The following DRG1 variants were observed in gnomAD, a reference collection of about 807,000 sequenced individuals.
The protein encoded by DRG1 is developmentally-regulated GTP-binding protein 1.
DRG1 carries 19 observed loss-of-function variants against 38.8 expected under a neutral mutation model. The observed-to-expected ratio is 0.49, with a 90% confidence interval of 0.34 to 0.72. The LOEUF (loss-of-function observed/expected upper bound fraction) is 0.72, where lower values mean the gene tolerates loss of function less well. Among genes scored for constraint, DRG1 ranks in the 30% least tolerant of loss-of-function variants. The pLI, the probability that DRG1 is intolerant of heterozygous loss-of-function variation, is 0.01. For synonymous variants in DRG1, 167 were observed against 157.5 expected (o/e 1.06, Z -0.45); for missense variants, 299 against 444.8 (o/e 0.67, Z 2.95).
At chr22:31,421,637 T>C (rs2050077689) in intron 5 of DRG1, among the ~76,000 whole-genome samples, 2 of 151,722 alleles carry the variant, frequency 1.3e-5, no homozygotes, top group South Asian at 4.2e-4. Context: ...TTTGGGAGGT[T>C]GAGGCAGGAG....
Position 31,425,057 on chromosome 22 carries a change from A to T in DRG1, c.714-1558A>T, listed in dbSNP as rs1379834946. On this transcript the variant is annotated intron_variant, in intron 6 of 8. Transcript: ENST00000331457. ...GCAGTCTGCCTGCCTCTGCCTCCCA[A>T]AGTGCTGGGATTACAGGCGTCAGTC... Among the ~76,000 whole-genome samples the T allele has an allele frequency of 4.0e-5, 6 of 151,826 alleles. No individual in the cohort carries two copies. In the East Asian group the frequency reaches 9.7e-4, roughly 24 times the overall value.
intron 5 of DRG1, among the ~76,000 whole-genome samples, chr22:31,422,117 A>G (rs868042479): frequency 6.7e-6 from 1 of 149,588 alleles, no homozygotes; most frequent in East Asian, 2.0e-4. Flanking sequence ...CTCAAAAAAA[A>G]AAAGAAAGAA....
chr22:31,428,513 CAA>C (rs1365161329), intron 8 of DRG1, among the ~76,000 whole-genome samples: 1 of 152,184 alleles, frequency 6.6e-6, no homozygotes, highest in African/African-American at 2.4e-5. Context: ...GCGCCCAGCC[CAA>C]AGTTTCCTTT....
intron 6 of DRG1, 113 bp downstream of exon 6, chr22:31,423,523 C>CTTTTT (rs1229925627): frequency 2.1e-5 from 10 of 478,532 alleles, no homozygotes; most frequent in East Asian, 5.2e-5. Flanking sequence ...GTCCTACTGT[C>CTTTTT]TTTTTTTTTT....
chr22:31,409,085 A>G (rs2050004893), intron 3 of DRG1, among the ~76,000 whole-genome samples: 1 of 151,928 alleles, frequency 6.6e-6, no homozygotes. Context: ...ATCTTTTAAA[A>G]TTTATTTATT....
chr22:31,416,009 G>T (rs2050042680), intron 4 of DRG1, among the ~76,000 whole-genome samples: 1 of 152,230 alleles, frequency 6.6e-6, no homozygotes, highest in African/African-American at 2.4e-5. Context: ...ACTACAGCTA[G>T]TATGATTGTG....
At chr22:31,413,253 C>T (rs1464331190) in intron 4 of DRG1, among the ~76,000 whole-genome samples, 7 of 152,026 alleles carry the variant, frequency 4.6e-5, no homozygotes, top group African/African-American at 1.7e-4. Context: ...CACGCAACAC[C>T]GTGTGGGCTA....
chr22:31,401,137 C>T (rs1012268473), intron 2 of DRG1, among the ~76,000 whole-genome samples: 10 of 151,304 alleles, frequency 6.6e-5, no homozygotes, highest in African/African-American at 1.7e-4. Flanking sequence ...GATTTACATG[C>T]GCTGGGTGCA....
At chr22:31,411,964 A>G (rs1210450090) in intron 4 of DRG1, among the ~76,000 whole-genome samples, 1 of 151,820 alleles carries the variant, frequency 6.6e-6, no homozygotes, top group Non-Finnish European at 1.5e-5. Flanking sequence ...TTTTTGATAA[A>G]AAACCAACTT....
rs898615697 is a variant in DRG1, at chr22:31,399,627, G to C, written c.-57G>C. The C allele has an allele frequency of 2.5e-6, 4 of 1,613,444 alleles. No homozygotes were observed. The Admixed American group carries it at 5.0e-5, about 20-fold the overall frequency. ...GCAGTAGCGCCTGGTGGCGGTGGCA[G>C]TTTGCCCGCGGGTGTGTGAAGGGAG... is the stretch of plus-strand genomic sequence containing the variant. On this transcript the variant is annotated 5_prime_UTR_variant, in exon 1 of 9. Coordinates refer to ENST00000331457, the MANE Select transcript of DRG1 (RefSeq NM_004147.4).
intron 4 of DRG1, among the ~76,000 whole-genome samples, chr22:31,414,780 C>CTTT (rs1171073361): frequency 7.6e-6 from 1 of 132,230 alleles, no homozygotes; most frequent in African/African-American, 2.8e-5. Flanking sequence ...GGCACATTTT[C>CTTT]TTTTTTTTTT....
intron 5 of DRG1, 132 bp downstream of exon 5, chr22:31,420,557 T>C: frequency 1.8e-6 from 2 of 1,118,512 alleles, no homozygotes; most frequent in East Asian, 2.6e-5. Flanking sequence ...ACAATGACTT[T>C]ATAATGACTG....
chr22:31,409,818 A>T (rs970194640), intron 3 of DRG1, among the ~76,000 whole-genome samples: 3 of 151,910 alleles, frequency 2.0e-5, no homozygotes, highest in African/African-American at 7.3e-5. Flanking sequence ...ACACGTCGAA[A>T]CCCTGACTCT....
intron 8 of DRG1, among the ~76,000 whole-genome samples, chr22:31,429,079 T>TC (rs1172028156): frequency 2.6e-5 from 4 of 152,286 alleles, no homozygotes; most frequent in African/African-American, 9.6e-5. Flanking sequence ...AAGTCCTTTT[T>TC]CTCTTCAAAT....
At position 31,426,609 on chromosome 22, in the gene DRG1, C is replaced by G; in HGVS notation, c.714-6C>G. On this transcript the variant is annotated splice_polypyrimidine_tract_variant and splice_region_variant and intron_variant, in intron 6 of 8. Transcript: ENST00000331457. ...CTAATACCCTGTTTTTCTTCACTTT[C>G]TGTAGAGTTTATATCCCCTGTATCT... 6.2e-7 allele frequency: 1 copy of G among 1,604,710 alleles called. No individual in the cohort carries two copies. Among genetic ancestry groups the G allele is most frequent in the South Asian group, 1.1e-5 (1 of 89,354 alleles).
In DRG1 at chr22:31,408,134, CTTTTTTTTTTT is replaced by C. The variant is rs1206312150; in HGVS notation, c.343-2866_343-2856del. ...GAGCGAGACTCCCCTTTTTTTCCTTCTTTTTTTTTTTTTTTTTTTTTTGAGATAGAGTCTTG... is the reference window on the plus strand; with the variant it reads ...GAGCGAGACTCCCCTTTTTTTCCTTCTTTTTTTTTTTGAGATAGAGTCTTG... On this transcript the variant is annotated intron_variant, in intron 3 of 8. Transcript: ENST00000331457. Among the ~76,000 whole-genome samples the C allele has an allele frequency of 2.9e-4, 11 of 38,312 alleles. No individual in the cohort carries two copies. In the South Asian group the frequency reaches 0.024, roughly 84 times the overall value. 25.1% of individuals were successfully genotyped at this position (38,312 alleles called of 152,430 possible).
At position 31,425,831 on chromosome 22, in the gene DRG1, A is replaced by G. The variant is rs5994396; in HGVS notation, c.714-784A>G. On this transcript the variant is annotated intron_variant, in intron 6 of 8. Transcript: ENST00000331457. ...AATATTTTTAGTTGCTCTCCTAGTC[A>G]TTTGTTCCTGTATGTTGGATGAGTG... is the stretch of plus-strand genomic sequence containing the variant. Among the ~76,000 whole-genome samples the G allele has an allele frequency of 7.7e-4, 117 of 152,258 alleles. 1 individual carries two copies. Among genetic ancestry groups the G allele is most frequent in the African/African-American group, 2.7e-3 (112 of 41,558 alleles).
chr22:31,410,551 C>T (rs1601526968), intron 3 of DRG1, among the ~76,000 whole-genome samples: 2 of 151,618 alleles, frequency 1.3e-5, no homozygotes, highest in South Asian at 2.1e-4. Context: ...TGGTGGCTCA[C>T]GCCTGTAATT....
chr22:31,402,932 C>A, intron 2 of DRG1, 97 bp from the exon 3 acceptor site: 1 of 1,362,310 alleles, frequency 7.3e-7, no homozygotes, highest in Non-Finnish European at 1.0e-6. Context: ...AGAAATAGTG[C>A]CTAGAGGGAT....
Sources: allele counts gnomAD v4.1 joint callset (sites outside exome capture counted in the v4.1 genomes callset), GRCh38; gene constraint gnomAD v4.1.1; transcripts MANE v1.5; gene names NCBI Gene and HGNC (gene_info 2026-07-23, HGNC 2026-07-21).